The following LCORL variants were observed in gnomAD, a reference collection of about 807,000 sequenced individuals.
LCORL encodes the protein ligand dependent nuclear receptor corepressor like.
In LCORL, 41 loss-of-function variants were observed where a neutral mutation model predicts 141.8. That is an observed-to-expected ratio of 0.29 (90% CI 0.23 to 0.38). LCORL has a LOEUF of 0.38. LCORL is among the 10% of genes least tolerant of loss of function. The pLI, the probability that LCORL is intolerant of heterozygous loss-of-function variation, is 1.00. For synonymous variants in LCORL, 618 were observed against 694.1 expected (o/e 0.89, Z 1.72); for missense variants, 1,759 against 2,035.0 (o/e 0.86, Z 2.61).
chr4:17,967,382 T>C (rs771802101), intron 2 of LCORL, among the ~76,000 whole-genome samples: 2 of 152,088 alleles, frequency 1.3e-5, no homozygotes, highest in African/African-American at 4.8e-5. Flanking sequence ...GCACAACACA[T>C]AGAGTGACCC....
At chr4:17,925,865 T>C (rs1735037613) in intron 4 of LCORL, among the ~76,000 whole-genome samples, 1 of 117,814 alleles carries the variant, frequency 8.5e-6, no homozygotes, top group East Asian at 2.4e-4. Context: ...AGTGACAGAG[T>C]GAGATTCCAT....
intron 2 of LCORL, among the ~76,000 whole-genome samples, chr4:17,969,592 T>TA (rs1486730620): frequency 6.6e-6 from 1 of 152,180 alleles, no homozygotes; most frequent in African/African-American, 2.4e-5. Context: ...AATACGCATT[T>TA]AATTTCATAA....
intron 5 of LCORL, among the ~76,000 whole-genome samples, chr4:17,893,748 T>A (rs1044230469): frequency 6.6e-6 from 1 of 152,210 alleles, no homozygotes; most frequent in Non-Finnish European, 1.5e-5. Context: ...AATCAAATAA[T>A]GTCTCTGTGT....
exon 8 of LCORL, chr4:17,842,354 CAG>C: frequency 3.7e-6 from 6 of 1,612,142 alleles, no homozygotes; most frequent in Non-Finnish European, 5.1e-6. Flanking sequence ...CAGGAGGTGT[CAG>C]ACTGCTGAAG....
intron 1 of LCORL, among the ~76,000 whole-genome samples, chr4:17,985,033 C>T (rs1265392405): frequency 6.6e-6 from 1 of 151,864 alleles, no homozygotes; most frequent in Non-Finnish European, 1.5e-5. Flanking sequence ...AAACAACGTG[C>T]TATTCAAGAG....
At chr4:18,014,691 C>G (rs1577741671) in intron 1 of LCORL, among the ~76,000 whole-genome samples, 1 of 152,172 alleles carries the variant, frequency 6.6e-6, no homozygotes, top group African/African-American at 2.4e-5. Context: ...CACAAAAATT[C>G]TCAAAACAAA....
At chr4:18,003,424 T>C (rs554611002) in intron 1 of LCORL, among the ~76,000 whole-genome samples, 8 of 141,774 alleles carry the variant, frequency 5.6e-5, no homozygotes, top group Admixed American at 2.7e-4. Flanking sequence ...TTTCAGGTGT[T>C]TGACTTGTGA....
intron 7 of LCORL, among the ~76,000 whole-genome samples, chr4:17,846,560 T>C (rs1240973964): frequency 6.6e-6 from 1 of 152,222 alleles, no homozygotes; most frequent in East Asian, 1.9e-4. Context: ...ATCCACAGGA[T>C]ACTCTGGTTG....
chr4:17,897,228 T>C lies in LCORL; in HGVS notation c.683-11067A>G, dbSNP rs1312330548. Reference sequence around the variant, plus strand: ...ATACTGATTTCTTTTTTTTTTTTTTTTTTTTTTTTTTTTTTTTTTTTTTAG... The same window carrying C: ...ATACTGATTTCTTTTTTTTTTTTTTCTTTTTTTTTTTTTTTTTTTTTTTAG... On this transcript the variant is annotated intron_variant, in intron 5 of 7. Coordinates refer to ENST00000635767, the Ensembl canonical transcript of LCORL. Among the ~76,000 whole-genome samples the C allele has an allele frequency of 1.0e-3, 127 of 126,652 alleles. 4 individuals carry two copies. The highest frequency in any genetic ancestry group is 4.6e-3 in the South Asian group (15 of 3,268). The allele number at this position is 126,652 out of a possible 152,430, so 83.1% of individuals were successfully genotyped here.
At position 17,947,792 on chromosome 4, in the gene LCORL, T is replaced by C. The variant is rs534865657; in HGVS notation, c.430+14111A>G. Among the ~76,000 whole-genome samples, 36 of 152,114 alleles carry C rather than the reference T, an allele frequency of 2.4e-4. 1 individual carries two copies. The South Asian group carries it at 4.1e-3, about 17-fold the overall frequency. On this transcript the variant is annotated intron_variant, in intron 4 of 7. Coordinates refer to ENST00000635767, the Ensembl canonical transcript of LCORL. ...AATCAGAACAGATACCCACGTGATA[T>C]AGGTTTTAGTTTCTTATTATCCTCT...
chr4:17,897,774 C>T (rs781435278), intron 5 of LCORL, among the ~76,000 whole-genome samples: 25 of 152,128 alleles, frequency 1.6e-4, no homozygotes, highest in Non-Finnish European at 3.4e-4. Context: ...TTAACAAATT[C>T]GTCTTTGGGC....
intron 7 of LCORL, among the ~76,000 whole-genome samples, chr4:17,855,161 C>A (rs1265206854): frequency 1.3e-5 from 2 of 152,154 alleles, no homozygotes; most frequent in Admixed American, 1.3e-4. Flanking sequence ...GGGCAGAGAA[C>A]CAACAATCTT....
At chr4:17,929,745 G>A in intron 4 of LCORL, among the ~76,000 whole-genome samples, 1 of 151,936 alleles carries the variant, frequency 6.6e-6, no homozygotes, top group South Asian at 2.1e-4. Flanking sequence ...CAAACAACAA[G>A]AACAGAATGG....
At chr4:17,961,664 T>G (rs367738123) in intron 4 of LCORL, among the ~76,000 whole-genome samples, 35 of 152,052 alleles carry the variant, frequency 2.3e-4, no homozygotes, top group African/African-American at 8.0e-4. Flanking sequence ...GAGGAAAATG[T>G]GTGATAAAGT....
At chr4:17,873,414 A>G in exon 7 of LCORL, 1 of 1,233,800 alleles carries the variant, frequency 8.1e-7, no homozygotes, top group Non-Finnish European at 1.0e-6. Context: ...ATAGTTTGCC[A>G]TTTGTCCACT....
rs184460922 is a variant in LCORL, at chr4:17,963,869, C to A, written c.221-820G>T. Among the ~76,000 whole-genome samples, 657 of 152,074 alleles carry A rather than the reference C, an allele frequency of 4.3e-3. 4 individuals are homozygous for A. Among genetic ancestry groups the A allele is most frequent in the African/African-American group, 0.015 (630 of 41,536 alleles). ...TATGCAGAACCTCAAACATAAAAAC[C>A]ATTATCATCTAAGGCAGCTATACTG... On this transcript the variant is annotated intron_variant, in intron 2 of 7. Coordinates refer to ENST00000635767, the Ensembl canonical transcript of LCORL.
At chr4:17,882,537 G>C (rs1727712685) in intron 6 of LCORL, 1 of 984,602 alleles carries the variant, frequency 1.0e-6, no homozygotes, top group Non-Finnish European at 1.2e-6. Flanking sequence ...CCAATTAGTA[G>C]AGAGTTTACA....
intron 7 of LCORL, among the ~76,000 whole-genome samples, chr4:17,863,007 C>A (rs1239633348): frequency 6.6e-6 from 1 of 152,082 alleles, no homozygotes; most frequent in East Asian, 1.9e-4. Flanking sequence ...TAAGCAAAAA[C>A]CAACCACATT....
chr4:17,858,400 GGAGAGGA>G (rs1050447398), intron 7 of LCORL, among the ~76,000 whole-genome samples: 1 of 152,012 alleles, frequency 6.6e-6, no homozygotes, highest in African/African-American at 2.4e-5. Context: ...TATTCCAGAA[GGAGAGGA>G]GAGAGGAGAG....
Sources: allele counts gnomAD v4.1 joint callset (sites outside exome capture counted in the v4.1 genomes callset), GRCh38; gene constraint gnomAD v4.1.1; transcripts MANE v1.5; gene names NCBI Gene and HGNC (gene_info 2026-07-23, HGNC 2026-07-21).